Variants in CAST observed in about 807,000 individuals in gnomAD.
CAST encodes MIR583 host.
CAST carries 76 observed loss-of-function variants against 119.6 expected under a neutral mutation model. The ratio of observed to expected loss-of-function variants is 0.64; its 90% confidence interval spans 0.53 to 0.77. The LOEUF is 0.77. CAST is among the 30% of genes least tolerant of loss of function. CAST has a pLI of 0.00. For missense variants in CAST, 953 were observed against 946.5 expected (o/e 1.01, Z -0.09); for synonymous variants, 319 against 331.6 (o/e 0.96, Z 0.41).
intron 20 of CAST, among the ~76,000 whole-genome samples, chr5:96,752,875 T>TGATATTG (rs1299059993): frequency 1.3e-5 from 2 of 151,836 alleles, no homozygotes; most frequent in African/African-American, 4.8e-5. Context: ...AGTGGGAAAT[T>TGATATTG]CATTGATATT....
chr5:96,226,802 C>T, the CAST span, among the ~76,000 whole-genome samples: 2 of 152,240 alleles, frequency 1.3e-5, no homozygotes, highest in African/African-American at 2.4e-5. Context: ...CTCTTGGCCG[C>T]TCCTCCCTGG....
intron 26 of CAST, among the ~76,000 whole-genome samples, chr5:96,765,551 A>G (rs1162979449): frequency 3.9e-5 from 6 of 152,086 alleles, no homozygotes; most frequent in Non-Finnish European, 8.8e-5. Context: ...TCTGGGAGGT[A>G]GGTGTGGGGT....
the CAST span, among the ~76,000 whole-genome samples, chr5:96,311,696 T>A: frequency 2.9e-4 from 44 of 152,096 alleles, 2 homozygotes; most frequent in Admixed American, 2.9e-3. Context: ...TTAAAGTTTA[T>A]TTTGTCTGAC....
At chr5:96,121,607 A>G in the CAST span, among the ~76,000 whole-genome samples, 11 of 152,328 alleles carry the variant, frequency 7.2e-5, no homozygotes, top group South Asian at 2.3e-3. Flanking sequence ...AAGCCAAGAA[A>G]TACAATTGAT....
At chr5:96,431,454 C>T in the CAST span, among the ~76,000 whole-genome samples, 11 of 152,268 alleles carry the variant, frequency 7.2e-5, no homozygotes, top group South Asian at 4.1e-4. Context: ...TCTATGATTA[C>T]ACAAATTACA....
At chr5:96,753,895 TTTTG>T (rs1207453132) in intron 20 of CAST, among the ~76,000 whole-genome samples, 161 bp from the exon 21 acceptor site, 3 of 152,238 alleles carry the variant, frequency 2.0e-5, no homozygotes, top group Non-Finnish European at 4.4e-5. Context: ...ATGTTAAACG[TTTTG>T]TTTTTTAAAC....
the CAST span, among the ~76,000 whole-genome samples, chr5:96,282,107 G>A: frequency 6.9e-6 from 1 of 144,912 alleles, no homozygotes; most frequent in East Asian, 2.2e-4. Flanking sequence ...GGGTAGAGCC[G>A]GAAAGGTAAC....
chr5:96,662,332 C>A, upstream of CAST: 2 of 1,075,976 alleles, frequency 1.9e-6, no homozygotes, highest in Non-Finnish European at 2.4e-6. Context: ...TCCCTCCCTC[C>A]CTCCCTCTCT....
chr5:96,324,059 T>A, the CAST span, among the ~76,000 whole-genome samples: 1 of 152,234 alleles, frequency 6.6e-6, no homozygotes, highest in Non-Finnish European at 1.5e-5. Flanking sequence ...AGAGTTTTAT[T>A]TTTTAGCAGA....
At chr5:96,525,213 TG>T (rs1745578870), upstream of CAST, 1 of 152,230 alleles carries the variant, frequency 6.6e-6, no homozygotes, top group Non-Finnish European at 1.5e-5. Context: ...AGGATTTTTT[TG>T]TTTGAGCTGA....
chr5:96,175,951 C>G, the CAST span, among the ~76,000 whole-genome samples: 1 of 152,166 alleles, frequency 6.6e-6, no homozygotes, highest in Admixed American at 6.5e-5. Context: ...ATCATTCCGC[C>G]TCTAGTAATG....
chr5:96,724,715 C>T (rs1166161407), intron 4 of CAST, among the ~76,000 whole-genome samples: 1 of 151,446 alleles, frequency 6.6e-6, no homozygotes, highest in Non-Finnish European at 1.5e-5. Flanking sequence ...CTCAGCTACT[C>T]GGGAGGCTGA....
At chr5:96,078,977 T>C in the CAST span, among the ~76,000 whole-genome samples, 2 of 151,962 alleles carry the variant, frequency 1.3e-5, no homozygotes. Context: ...GGAAGTATAA[T>C]TAATGGGTTC....
At chr5:96,625,299 T>C (rs1747700747) in intron 1 of CAST, among the ~76,000 whole-genome samples, 1 of 152,150 alleles carries the variant, frequency 6.6e-6, no homozygotes, top group Admixed American at 6.5e-5. Context: ...TCTCTCTCTC[T>C]CTCTGTCTCT....
intron 1 of CAST, among the ~76,000 whole-genome samples, chr5:96,632,555 C>T (rs155043): frequency 2.6e-5 from 4 of 151,834 alleles, no homozygotes; most frequent in East Asian, 1.9e-4. Flanking sequence ...TATATTTCTT[C>T]GAAGAGTTTT....
the CAST span, among the ~76,000 whole-genome samples, chr5:96,027,199 A>G: frequency 6.6e-6 from 1 of 152,146 alleles, no homozygotes; most frequent in Non-Finnish European, 1.5e-5. Flanking sequence ...AAACAAAACT[A>G]AAACAACAAT....
the CAST span, among the ~76,000 whole-genome samples, chr5:96,224,082 C>T: frequency 4.6e-5 from 7 of 152,146 alleles, no homozygotes; most frequent in Non-Finnish European, 1.0e-4. Flanking sequence ...AAAGGATATA[C>T]ATAATGTTAC....
chr5:96,064,680 T>C, the CAST span, among the ~76,000 whole-genome samples: 2 of 141,290 alleles, frequency 1.4e-5, no homozygotes, highest in Non-Finnish European at 1.6e-5. Context: ...GTGATATTCA[T>C]TGTAGTTTGT....
the CAST span, among the ~76,000 whole-genome samples, chr5:96,495,578 C>A: frequency 6.6e-6 from 1 of 152,138 alleles, no homozygotes; most frequent in Non-Finnish European, 1.5e-5. Flanking sequence ...TCATCCATGT[C>A]CTTGCAAAGA....
Sources: gnomAD v4.1 joint callset for allele counts (sites outside exome capture counted in the v4.1 genomes callset) on GRCh38, gnomAD v4.1.1 for gene constraint, MANE v1.5 for transcripts, NCBI Gene and HGNC (gene_info 2026-07-23, HGNC 2026-07-21) for gene names.